The following RB1 variants were observed in gnomAD, a reference collection of about 807,000 sequenced individuals.
RB1 encodes RB transcriptional corepressor 1.
Under a neutral mutation model 135.4 loss-of-function variants are expected in RB1, and 18 were observed. The observed-to-expected ratio is 0.13, with a 90% CI of 0.09 to 0.20. The LOEUF is 0.20. Among genes scored for constraint, RB1 ranks in the 10% least tolerant of loss-of-function variants. RB1 has a pLI of 1.00. For synonymous variants in RB1, 365 were observed against 373.2 expected, an observed-to-expected ratio of 0.98 and a Z score of 0.25; for missense variants, 868 against 1,110.0, an observed-to-expected ratio of 0.78 and a Z score of 3.10.
intron 17 of RB1, among the ~76,000 whole-genome samples, chr13:48,438,469 T>C (rs1254229177): frequency 6.6e-6 from 1 of 152,212 alleles, no homozygotes; most frequent in Non-Finnish European, 1.5e-5. Flanking sequence ...TCTGAGTTAG[T>C]TGTCTCTTCT....
rs1019961342 is a variant in RB1, at chr13:48,387,715, A to T, written c.1695+6272A>T. ...ACATTAAATGGGTGAATTGTATAGGATGTAATTTTTTAAATTTCTGTTTTA... is the reference window on the plus strand; with the variant it reads ...ACATTAAATGGGTGAATTGTATAGGTTGTAATTTTTTAAATTTCTGTTTTA... On this transcript the variant is annotated intron_variant, in intron 17 of 26. Transcript: ENST00000267163. Among the ~76,000 whole-genome samples, 11 of 152,322 alleles carry T rather than the reference A, an allele frequency of 7.2e-5. No homozygotes were observed. The South Asian group carries it at 2.3e-3, about 32-fold the overall frequency.
At chr13:48,439,064 A>G (rs951985902) in intron 17 of RB1, among the ~76,000 whole-genome samples, 1 of 152,208 alleles carries the variant, frequency 6.6e-6, no homozygotes, top group Non-Finnish European at 1.5e-5. Context: ...GGGCAAAGAA[A>G]GAGTGAAAGA....
chr13:48,440,056 A>G (rs976562676), intron 17 of RB1, among the ~76,000 whole-genome samples: 2 of 152,162 alleles, frequency 1.3e-5, no homozygotes. Flanking sequence ...TAGTAGGATT[A>G]CATTAGAATC....
intron 2 of RB1, chr13:48,320,106 C>G (rs1202199132): frequency 2.9e-6 from 2 of 686,610 alleles, no homozygotes; most frequent in South Asian, 3.7e-5. Context: ...TCCCGGTCCA[C>G]GGAATCATCA....
chr13:48,446,032 A>C (rs1225929849), intron 17 of RB1, among the ~76,000 whole-genome samples: 1 of 152,178 alleles, frequency 6.6e-6, no homozygotes, highest in African/African-American at 2.4e-5. Context: ...ATCTCAGCTC[A>C]CTGCAACCTC....
At chr13:48,455,716 G>A (rs941145467) in intron 18 of RB1, among the ~76,000 whole-genome samples, 16 of 152,140 alleles carry the variant, frequency 1.1e-4, no homozygotes, top group Non-Finnish European at 1.5e-4. Flanking sequence ...GTGTAAATCT[G>A]TCTGAATAAT....
chr13:48,342,968 TTTCTTAA>T (rs1474767186), intron 3 of RB1, among the ~76,000 whole-genome samples: 1 of 152,138 alleles, frequency 6.6e-6, no homozygotes, highest in African/African-American at 2.4e-5. Flanking sequence ...ATGTGTAAGC[TTTCTTAA>T]TTGTGGCTGT....
At chr13:48,473,791 G>A (rs1392425888) in intron 24 of RB1, among the ~76,000 whole-genome samples, 3 of 152,034 alleles carry the variant, frequency 2.0e-5, no homozygotes, top group African/African-American at 7.3e-5. Flanking sequence ...ATTACCCAGA[G>A]TCAGCATCAG....
At chr13:48,430,699 C>T (rs1949120636) in intron 17 of RB1, among the ~76,000 whole-genome samples, 1 of 152,064 alleles carries the variant, frequency 6.6e-6, no homozygotes, top group East Asian at 1.9e-4. Flanking sequence ...GAGATTGTGC[C>T]ACTGCACTCT....
At chr13:48,306,409 CA>C (rs1276344489) in intron 1 of RB1, among the ~76,000 whole-genome samples, 5 of 151,190 alleles carry the variant, frequency 3.3e-5, no homozygotes, top group Non-Finnish European at 7.4e-5. Context: ...TATTTCAAAA[CA>C]AGAAAAAAAA....
intron 2 of RB1, among the ~76,000 whole-genome samples, chr13:48,309,250 C>G (rs1373675681): frequency 6.6e-6 from 1 of 152,158 alleles, no homozygotes; most frequent in Non-Finnish European, 1.5e-5. Context: ...ACACTTCAGA[C>G]AGATACTTTT....
chr13:48,359,936 G>C, intron 6 of RB1, 81 bp from the exon 7 acceptor site: 1 of 1,564,836 alleles, frequency 6.4e-7, no homozygotes. Flanking sequence ...TAAATTTATG[G>C]ATATACTCTA....
intron 17 of RB1, among the ~76,000 whole-genome samples, chr13:48,438,844 AT>A (rs1949208727): frequency 6.6e-6 from 1 of 152,232 alleles, no homozygotes; most frequent in Non-Finnish European, 1.5e-5. Flanking sequence ...TTGATTGCTT[AT>A]CATGTGCCAT....
In RB1 at chr13:48,447,673, T is replaced by C. The variant is rs1949298142; in HGVS notation, c.1696-5320T>C. ...AGAAGCTTATTGAGGGTCATGTAGC[T>C]ACAGGTGGCCAGGATTTGAACCCAT... is the stretch of plus-strand genomic sequence containing the variant. On this transcript the variant is annotated intron_variant, in intron 17 of 26. Transcript: ENST00000267163. Among the ~76,000 whole-genome samples the C allele has an allele frequency of 3.3e-5, 5 of 152,188 alleles. No homozygotes were observed. The South Asian group carries it at 1.0e-3, about 31-fold the overall frequency.
chr13:48,306,296 T>C (rs186240181), intron 1 of RB1, among the ~76,000 whole-genome samples: 187 of 152,318 alleles, frequency 1.2e-3, no homozygotes, highest in African/African-American at 4.2e-3. Flanking sequence ...GCTCATCTAC[T>C]CAGGAGGCTG....
intron 2 of RB1, among the ~76,000 whole-genome samples, chr13:48,325,044 A>T (rs952160176): frequency 7.9e-5 from 12 of 151,566 alleles, no homozygotes; most frequent in Non-Finnish European, 1.3e-4. Context: ...AACTTATGTC[A>T]TGGGGGTTTG....
chr13:48,367,327 GT>G (rs1952712434), intron 9 of RB1, among the ~76,000 whole-genome samples, 166 bp from the exon 10 acceptor site: 1 of 152,038 alleles, frequency 6.6e-6, no homozygotes, highest in African/African-American at 2.4e-5. Flanking sequence ...GCAATTTTCT[GT>G]ACCTCACTTT....
At chr13:48,330,073 C>A (rs1386986078) in intron 2 of RB1, among the ~76,000 whole-genome samples, 5 of 150,188 alleles carry the variant, frequency 3.3e-5, no homozygotes, top group Non-Finnish European at 7.4e-5. Context: ...TGTTCCTGAA[C>A]AACCAATAGT....
chr13:48,417,839 A>G (rs576243219), intron 17 of RB1, among the ~76,000 whole-genome samples: 5 of 152,208 alleles, frequency 3.3e-5, no homozygotes, highest in Non-Finnish European at 5.9e-5. Context: ...AAAAGAATGA[A>G]AAGAAACGAA....
Sources: gnomAD v4.1 joint callset for allele counts (sites outside exome capture counted in the v4.1 genomes callset) on GRCh38, gnomAD v4.1.1 for gene constraint, MANE v1.5 for transcripts, NCBI Gene and HGNC (gene_info 2026-07-23, HGNC 2026-07-21) for gene names.